The following SPOCK3 variants were observed in gnomAD, a reference collection of about 807,000 sequenced individuals.
SPOCK3 encodes testican-3.
A neutral mutation model predicts 56.6 loss-of-function variants in SPOCK3; 30 were observed. The observed-to-expected ratio is 0.53, with a 90% confidence interval of 0.40 to 0.72. The LOEUF is 0.72. SPOCK3 is among the 30% of genes least tolerant of loss of function. The probability of loss-of-function intolerance (pLI) is 0.00; values close to 1 mark genes in which losing one functional copy is unlikely to be tolerated. For synonymous variants in SPOCK3, 196 were observed against 183.3 expected, an observed-to-expected ratio of 1.07 and a Z score of -0.56; for missense variants, 527 against 530.0, an observed-to-expected ratio of 0.99 and a Z score of 0.06.
At chr4:166,768,041 G>T (rs539811686) in intron 7 of SPOCK3, among the ~76,000 whole-genome samples, 2 of 151,558 alleles carry the variant, frequency 1.3e-5, no homozygotes, top group Admixed American at 1.3e-4. Flanking sequence ...CATTTGTCTG[G>T]TAGATCTTCC....
At chr4:166,936,733 T>C (rs1740449200) in intron 4 of SPOCK3, among the ~76,000 whole-genome samples, 1 of 152,100 alleles carries the variant, frequency 6.6e-6, no homozygotes. Context: ...TCTTATTTCC[T>C]TATTTCTACT....
intron 5 of SPOCK3, among the ~76,000 whole-genome samples, chr4:166,902,533 T>C (rs565731068): frequency 6.6e-6 from 1 of 151,966 alleles, no homozygotes; most frequent in Non-Finnish European, 1.5e-5. Context: ...GTCTATATAT[T>C]CTACCTTTTT....
intron 6 of SPOCK3, among the ~76,000 whole-genome samples, chr4:166,854,520 A>C (rs1347389667): frequency 6.6e-6 from 1 of 152,192 alleles, no homozygotes; most frequent in Non-Finnish European, 1.5e-5. Flanking sequence ...CCTCATCATC[A>C]GCTATAATTC....
chr4:166,886,156 T>C (rs942262187), intron 6 of SPOCK3, among the ~76,000 whole-genome samples: 1 of 152,132 alleles, frequency 6.6e-6, no homozygotes, highest in Non-Finnish European at 1.5e-5. Flanking sequence ...CTCACAACTA[T>C]GAATCTCACA....
chr4:166,947,793 A>G (rs1410552421), intron 4 of SPOCK3, among the ~76,000 whole-genome samples: 1 of 152,208 alleles, frequency 6.6e-6, no homozygotes, highest in Non-Finnish European at 1.5e-5. Context: ...TGATAAATGT[A>G]TATATTGTTT....
intron 3 of SPOCK3, among the ~76,000 whole-genome samples, chr4:167,035,150 C>A (rs1752622414): frequency 6.6e-6 from 1 of 152,050 alleles, no homozygotes; most frequent in Non-Finnish European, 1.5e-5. Context: ...AAGAAAAACA[C>A]AAACAAGGGT....
intron 8 of SPOCK3, among the ~76,000 whole-genome samples, chr4:166,747,051 A>G (rs1735716952): frequency 6.7e-6 from 1 of 150,226 alleles, no homozygotes; most frequent in Non-Finnish European, 1.5e-5. Flanking sequence ...ATTCTACCAG[A>G]TGTACAAGGA....
At chr4:166,860,819 A>ATATATATATATATATATATATATG (rs1240242462) in intron 6 of SPOCK3, among the ~76,000 whole-genome samples, 4 of 144,772 alleles carry the variant, frequency 2.8e-5, no homozygotes, top group Admixed American at 2.1e-4. Flanking sequence ...ATATATATGT[A>ATATATATATATATATATATATATG]TATATATATA....
intron 4 of SPOCK3, among the ~76,000 whole-genome samples, chr4:166,990,539 T>C (rs1303590340): frequency 6.6e-6 from 1 of 152,096 alleles, no homozygotes; most frequent in Non-Finnish European, 1.5e-5. Context: ...TTATCTACAT[T>C]AGGCAGCAAC....
intron 3 of SPOCK3, among the ~76,000 whole-genome samples, chr4:167,060,539 T>G (rs887200112): frequency 2.0e-5 from 3 of 152,086 alleles, no homozygotes; most frequent in Admixed American, 1.3e-4. Flanking sequence ...TTTTGTTCGA[T>G]TTTTATTTTT....
At chr4:166,809,675 C>T (rs1013540708) in intron 6 of SPOCK3, among the ~76,000 whole-genome samples, 1 of 151,974 alleles carries the variant, frequency 6.6e-6, no homozygotes, top group Non-Finnish European at 1.5e-5. Flanking sequence ...ATTTACTTTG[C>T]TATGTTGATA....
chr4:166,785,101 T>A (rs952428131), intron 7 of SPOCK3, among the ~76,000 whole-genome samples: 2 of 152,112 alleles, frequency 1.3e-5, no homozygotes, highest in African/African-American at 4.8e-5. Flanking sequence ...TCACCAAGCA[T>A]TTTCATGCTA....
chr4:167,169,219 C>T (rs72699683), intron 2 of SPOCK3, among the ~76,000 whole-genome samples: 3,995 of 152,270 alleles, frequency 0.026, 87 homozygotes, highest in South Asian at 0.046. Flanking sequence ...GAGAAGATGG[C>T]CACTATCCTC....
chr4:167,181,712 A>G (rs1731470527), intron 2 of SPOCK3, among the ~76,000 whole-genome samples: 1 of 152,200 alleles, frequency 6.6e-6, no homozygotes, highest in African/African-American at 2.4e-5. Context: ...TTAATTAAAT[A>G]AACATATGAT....
In SPOCK3 at chr4:167,078,853, G is replaced by A. The variant is rs1478738976; in HGVS notation, c.190-16316C>T. On this transcript the variant is annotated intron_variant, in intron 2 of 10. Coordinates refer to ENST00000357545, the MANE Select transcript of SPOCK3 (RefSeq NM_001040159.2). ...TTGATTTACTCAGCAGATACTTACA[G>A]TCGTCTTATATTGCAGCTCTAGGCA... 2.6e-5 allele frequency among the ~76,000 whole-genome samples: 4 copies of A among 151,768 alleles called. 1 individual carries two copies. Among genetic ancestry groups the A allele is most frequent in the Non-Finnish European group, 5.9e-5 (4 of 67,888 alleles).
chr4:166,837,634 C>A (rs1192799143), intron 6 of SPOCK3, among the ~76,000 whole-genome samples: 1 of 152,148 alleles, frequency 6.6e-6, no homozygotes, highest in Non-Finnish European at 1.5e-5. Flanking sequence ...GTAAATATTT[C>A]TTTATCCTGT....
chr4:167,018,295 T>C lies in SPOCK3; in HGVS notation c.236-17832A>G, dbSNP rs72635171. On this transcript the variant is annotated intron_variant, in intron 3 of 10. Coordinates refer to ENST00000357545, the MANE Select transcript of SPOCK3 (RefSeq NM_001040159.2). ...CACATAAAATCTCAGGCAGTATTTT[T>C]AGTCACCTTTATATAATGAAGTGTC... 1.1e-3 allele frequency among the ~76,000 whole-genome samples: 171 copies of C among 152,258 alleles called. 1 individual carries two copies. The East Asian group carries it at 0.026, about 23-fold the overall frequency.
intron 9 of SPOCK3, among the ~76,000 whole-genome samples, chr4:166,738,966 G>A (rs1048095809): frequency 6.6e-6 from 1 of 151,940 alleles, no homozygotes; most frequent in Non-Finnish European, 1.5e-5. Context: ...ATGATTTATA[G>A]TCCTTTGGGT....
intron 6 of SPOCK3, among the ~76,000 whole-genome samples, chr4:166,824,633 G>C (rs1012263582): frequency 3.3e-5 from 5 of 152,006 alleles, no homozygotes; most frequent in Non-Finnish European, 7.4e-5. Context: ...GATCATTGCT[G>C]TTTCTTCCCA....
Sources: allele counts gnomAD v4.1 joint callset (sites outside exome capture counted in the v4.1 genomes callset), GRCh38; gene constraint gnomAD v4.1.1; transcripts MANE v1.5; gene names NCBI Gene and HGNC (gene_info 2026-07-23, HGNC 2026-07-21).